The following FHIP2A variants were observed in gnomAD, a reference collection of about 807,000 sequenced individuals.
FHIP2A encodes family with sequence similarity 160 member B1.
Under a neutral mutation model 93.5 loss-of-function variants are expected in FHIP2A, and 46 were observed. That is an observed-to-expected ratio of 0.49 (90% confidence interval 0.39 to 0.63). The LOEUF is 0.63. Among genes scored for constraint, FHIP2A ranks in the 20% least tolerant of loss-of-function variants. FHIP2A has a pLI of 0.00. For missense variants in FHIP2A, 769 were observed against 909.7 expected (o/e 0.85, Z 1.99); for synonymous variants, 332 against 326.5 (o/e 1.02, Z -0.18).
chr10:114,862,056 T>G lies in FHIP2A; in HGVS notation c.*516T>G. 1.0e-6 allele frequency: 1 copy of G among 966,486 alleles called. No homozygotes were observed. Among genetic ancestry groups the G allele is most frequent in the Non-Finnish European group, 1.2e-6 (1 of 812,448 alleles). 59.9% of individuals were successfully genotyped at this position (966,486 alleles called of 1,614,324 possible). A position where few individuals can be genotyped will look rare whatever the true frequency, so the allele number is the denominator to read the frequency against. On this transcript the variant is annotated 3_prime_UTR_variant, in exon 17 of 17. Transcript: ENST00000369248. ...GAAAAAAATACAATTCAGAAACCATTGAATGAATTAATTATAGGCGATAAA... is the reference window on the plus strand; with the variant it reads ...GAAAAAAATACAATTCAGAAACCATGGAATGAATTAATTATAGGCGATAAA...
intron 5 of FHIP2A, among the ~76,000 whole-genome samples, chr10:114,838,724 A>G (rs1348216361): frequency 6.6e-6 from 1 of 152,212 alleles, no homozygotes; most frequent in African/African-American, 2.4e-5. Flanking sequence ...CGAAATATGT[A>G]GGCTTATGTA....
intron 3 of FHIP2A, among the ~76,000 whole-genome samples, chr10:114,834,584 A>G (rs912761999): frequency 1.3e-5 from 2 of 152,212 alleles, no homozygotes; most frequent in African/African-American, 2.4e-5. Flanking sequence ...AATGTGAAGC[A>G]GTATAAGCAG....
intron 16 of FHIP2A, among the ~76,000 whole-genome samples, chr10:114,898,181 T>C (rs1021155667): frequency 4.6e-5 from 7 of 152,194 alleles, no homozygotes; most frequent in Non-Finnish European, 8.8e-5. Flanking sequence ...TGCTTTGTGA[T>C]ACTGTGGAGC....
chr10:114,876,551 G>A lies in FHIP2A; in HGVS notation c.2192+15217G>A, dbSNP rs776827010. ...TCCTTCCACACCTGCTACCAAGTAG[G>A]TACTGGATGCACGGCAGGCCCTGCC... On this transcript the variant is annotated intron_variant, in intron 16 of 16. Coordinates refer to the FHIP2A transcript ENST00000369250. Among the ~76,000 whole-genome samples the A allele has an allele frequency of 6.6e-5, 10 of 152,190 alleles. No homozygotes were observed. In the East Asian group the frequency reaches 1.9e-3, roughly 29 times the overall value.
At chr10:114,822,315 T>C (rs1043325879) in intron 1 of FHIP2A, among the ~76,000 whole-genome samples, 192 bp downstream of exon 1, 1 of 151,280 alleles carries the variant, frequency 6.6e-6, no homozygotes, top group African/African-American at 2.4e-5. Flanking sequence ...CGGGCCTGGC[T>C]CTGCGGGGGT....
At chr10:114,846,152 G>T in intron 9 of FHIP2A, 23 bp from the exon 10 acceptor site, 1 of 1,613,490 alleles carries the variant, frequency 6.2e-7, no homozygotes, top group South Asian at 1.1e-5. Context: ...TTTGCCCACT[G>T]ACTACCTGTT....
intron 5 of FHIP2A, 30 bp downstream of exon 5, chr10:114,836,276 C>G: frequency 6.6e-7 from 1 of 1,520,066 alleles, no homozygotes; most frequent in Non-Finnish European, 9.0e-7. Context: ...AACTTTCAAA[C>G]TGTAGTTATA....
chr10:114,838,921 T>C lies in FHIP2A; in HGVS notation c.522+2675T>C, dbSNP rs12784843. Reference sequence around the variant, plus strand: ...TTTAACGAATAGGACTATTCATATGTGTTTAATGTCAGTTACTACAGTCCC... The same window carrying C: ...TTTAACGAATAGGACTATTCATATGCGTTTAATGTCAGTTACTACAGTCCC... On this transcript the variant is annotated intron_variant, in intron 5 of 16. Coordinates refer to ENST00000369248, the MANE Select transcript of FHIP2A (RefSeq NM_020940.4). 6.9e-3 allele frequency among the ~76,000 whole-genome samples: 1,052 copies of C among 152,328 alleles called. 7 individuals are homozygous for C. Among genetic ancestry groups the C allele is most frequent in the Non-Finnish European group, 0.011 (734 of 68,026 alleles).
At chr10:114,855,538 C>G (rs2083761908) in intron 14 of FHIP2A, among the ~76,000 whole-genome samples, 198 bp downstream of exon 14, 1 of 152,118 alleles carries the variant, frequency 6.6e-6, no homozygotes, top group African/African-American at 2.4e-5. Flanking sequence ...ATTTATTTGG[C>G]CTGACAGCTG....
chr10:114,838,831 C>T (rs1345786158), intron 5 of FHIP2A, among the ~76,000 whole-genome samples: 2 of 152,220 alleles, frequency 1.3e-5, no homozygotes, highest in African/African-American at 2.4e-5. Flanking sequence ...AGTGACACAT[C>T]TGCTTTGTGC....
At position 114,849,772 on chromosome 10, in the gene FHIP2A, C is replaced by T. The variant is rs143082255; in HGVS notation, c.1803+1035C>T. Reference sequence around the variant, plus strand: ...TAAAGCAGTCACTTCATATTGACTTCTCCTCCCCGCCAACCCCCAGCCCTG... The same window carrying T: ...TAAAGCAGTCACTTCATATTGACTTTTCCTCCCCGCCAACCCCCAGCCCTG... On this transcript the variant is annotated intron_variant, in intron 13 of 16. Coordinates refer to ENST00000369248, the MANE Select transcript of FHIP2A (RefSeq NM_020940.4). Among the ~76,000 whole-genome samples, 124 of 152,290 alleles carry T rather than the reference C, an allele frequency of 8.1e-4. 2 individuals carry two copies. The highest frequency in any genetic ancestry group is 2.9e-3 in the African/African-American group (122 of 41,560).
chr10:114,894,165 AT>A (rs2083989113), intron 16 of FHIP2A, among the ~76,000 whole-genome samples: 2 of 152,136 alleles, frequency 1.3e-5, no homozygotes, highest in Non-Finnish European at 2.9e-5. Flanking sequence ...TCTTTCATTG[AT>A]AACAGGCTAT....
At chr10:114,857,314 C>CTTCTTTTTTTTTTTTTT (rs2083772653) in intron 14 of FHIP2A, among the ~76,000 whole-genome samples, 1 of 120,706 alleles carries the variant, frequency 8.3e-6, no homozygotes, top group Non-Finnish European at 1.8e-5. Context: ...ATTTCTTCTT[C>CTTCTTTTTTTTTTTTTT]TTTTTTTTTT....
At chr10:114,866,503 A>T (rs1411886556), downstream of FHIP2A, among the ~76,000 whole-genome samples, 1 of 152,218 alleles carries the variant, frequency 6.6e-6, no homozygotes, top group Non-Finnish European at 1.5e-5. Flanking sequence ...TATTGTGGGC[A>T]TTAGAAATTT....
chr10:114,855,003 G>C (rs1392671729), intron 13 of FHIP2A, among the ~76,000 whole-genome samples, 194 bp from the exon 14 acceptor site: 1 of 152,196 alleles, frequency 6.6e-6, no homozygotes, highest in Non-Finnish European at 1.5e-5. Context: ...GGTAGCAGCA[G>C]TTAATATAAT....
chr10:114,877,537 G>C (rs777786825), intron 16 of FHIP2A, among the ~76,000 whole-genome samples: 1 of 151,954 alleles, frequency 6.6e-6, no homozygotes, highest in African/African-American at 2.4e-5. Flanking sequence ...AAACCATAGC[G>C]GTTCGGGCCC....
chr10:114,821,850 A>ACGCCCTCCTCGCCGCCCGCCGCGTCCCGG lies in FHIP2A; in HGVS notation c.-220_-192dup. ...TCTCCGGGCCCCGAGTCCTCGCCGA[A>ACGCCCTCCTCGCCGCCCGCCGCGTCCCGG]CGCCCTCCTCGCCGCCCGCCGCGTC... On this transcript the variant is annotated 5_prime_UTR_variant, in exon 1 of 17. Transcript: ENST00000369248. 3.9e-6 allele frequency: 1 copy of ACGCCCTCCTCGCCGCCCGCCGCGTCCCGG among 255,708 alleles called. No individual in the cohort carries two copies. Among genetic ancestry groups the ACGCCCTCCTCGCCGCCCGCCGCGTCCCGG allele is most frequent in the East Asian group, 6.5e-5 (1 of 15,414 alleles). 15.8% of individuals were successfully genotyped at this position (255,708 alleles called of 1,614,324 possible).
rs372111285 is a variant in FHIP2A, at chr10:114,845,352, T to C, written c.1014-15T>C. On this transcript the variant is annotated splice_polypyrimidine_tract_variant and intron_variant, in intron 7 of 16. Coordinates refer to ENST00000369248, the MANE Select transcript of FHIP2A (RefSeq NM_020940.4). ...TGGATAACTTTGGACTTAGCAATTC[T>C]TCCTTGTCTTACAGCTTGGACTCAT... 3 of 1,514,116 alleles carry C rather than the reference T, an allele frequency of 2.0e-6. No individual in the cohort carries two copies. The Admixed American group carries it at 5.1e-5, about 26-fold the overall frequency. 93.8% of individuals were successfully genotyped at this position (1,514,116 alleles called of 1,614,324 possible). A position where few individuals can be genotyped will look rare whatever the true frequency, so the allele number is the denominator to read the frequency against.
At chr10:114,831,574 C>G (rs551941965) in intron 2 of FHIP2A, among the ~76,000 whole-genome samples, 2 of 152,156 alleles carry the variant, frequency 1.3e-5, no homozygotes, top group Non-Finnish European at 2.9e-5. Flanking sequence ...GGGGAAAACA[C>G]ATTTTTAAAA....
Sources: gnomAD v4.1 joint callset for allele counts (sites outside exome capture counted in the v4.1 genomes callset) on GRCh38, gnomAD v4.1.1 for gene constraint, MANE v1.5 for transcripts, NCBI Gene and HGNC (gene_info 2026-07-23, HGNC 2026-07-21) for gene names.